Variants in CEP295 observed in about 807,000 individuals in gnomAD.
The protein encoded by CEP295 is centrosomal protein 295.
Under a neutral mutation model 291.6 loss-of-function variants are expected in CEP295, and 190 were observed. That is an observed-to-expected ratio of 0.65 (90% CI 0.58 to 0.73). CEP295 has a LOEUF of 0.73. Among genes scored for constraint, CEP295 ranks in the 30% least tolerant of loss-of-function variants. The probability of loss-of-function intolerance (pLI) is 0.00; values close to 1 mark genes in which losing one functional copy is unlikely to be tolerated. For synonymous variants in CEP295, 993 were observed against 1,038.8 expected (o/e 0.96, Z 0.85); for missense variants, 2,863 against 2,949.4 (o/e 0.97, Z 0.68).
Position 93,727,359 on chromosome 11 carries a change from A to T in CEP295, c.6883A>T (p.Ser2295Cys), listed in dbSNP as rs1212129721. The T allele has an allele frequency of 1.9e-6, 3 of 1,551,154 alleles. No individual in the cohort carries two copies. The highest frequency in any genetic ancestry group is 2.6e-6 in the Non-Finnish European group (3 of 1,146,908). ...SKRGVVTMLQ[S>C]QGLIEDNKNE... ...AAGAGGGGTTGTTACAATGTTACAA[A>T]GTCAAGGACTCATTGAAGATAATAA... The change falls in exon 24 of 30, where the codon AGT becomes TGT. Residue 2295 changes from serine to cysteine, a missense_variant. Physicochemically the swap from Ser to Cys is moderately radical, Grantham distance 112. This residue lies in a region of CEP295 where 2,295 missense variants were observed against 2,335.7 expected (regional missense o/e 0.98). Coordinates refer to ENST00000325212, the MANE Select transcript of CEP295 (RefSeq NM_033395.2).
intron 14 of CEP295, 76 bp downstream of exon 14, chr11:93,696,493 G>T: frequency 9.0e-7 from 1 of 1,108,880 alleles, no homozygotes. Context: ...TTTATATGAG[G>T]ATCTAATTTG....
intron 15 of CEP295, 41 bp from the exon 16 acceptor site, chr11:93,702,419 C>T: frequency 7.3e-7 from 1 of 1,367,226 alleles, no homozygotes; most frequent in Non-Finnish European, 9.8e-7. Context: ...TCACATGATC[C>T]CCCAACTTGT....
At chr11:93,693,149 C>T (rs4753100) in intron 12 of CEP295, among the ~76,000 whole-genome samples, 138,869 of 151,164 alleles carry the variant, frequency 0.92, 64,604 homozygotes, top group East Asian at 1. Flanking sequence ...TGGTGGCGGG[C>T]GCCTGTAGTC....
intron 18 of CEP295, among the ~76,000 whole-genome samples, chr11:93,710,498 C>T (rs1164766778): frequency 6.6e-6 from 1 of 152,130 alleles, no homozygotes; most frequent in Non-Finnish European, 1.5e-5. Flanking sequence ...AATGAATGAT[C>T]TTTTTAATGT....
chr11:93,663,807 T>G (rs1447687803), intron 1 of CEP295, among the ~76,000 whole-genome samples: 1 of 152,234 alleles, frequency 6.6e-6, no homozygotes, highest in African/African-American at 2.4e-5. Flanking sequence ...AATGGATACC[T>G]AAAATTTGAA....
At chr11:93,717,584 G>A (rs1953362092) in intron 18 of CEP295, among the ~76,000 whole-genome samples, 1 of 152,214 alleles carries the variant, frequency 6.6e-6, no homozygotes, top group African/African-American at 2.4e-5. Flanking sequence ...TATCTAGGAG[G>A]TGGTAAGAAT....
chr11:93,716,994 AT>A lies in CEP295; in HGVS notation c.5750-4315del, dbSNP rs376168874. ...AACTTATACCATAAAACAAAGGAAA[AT>A]TTGTTTTTCTTCTCCCTATGTTGAA... On this transcript the variant is annotated intron_variant, in intron 18 of 29. Coordinates refer to ENST00000325212, the MANE Select transcript of CEP295 (RefSeq NM_033395.2). Among the ~76,000 whole-genome samples the A allele has an allele frequency of 5.0e-3, 754 of 152,280 alleles. 10 individuals are homozygous for A. Among genetic ancestry groups the A allele is most frequent in the African/African-American group, 0.017 (694 of 41,536 alleles).
intron 3 of CEP295, among the ~76,000 whole-genome samples, 166 bp from the exon 4 acceptor site, chr11:93,668,642 C>G (rs1004483626): frequency 6.6e-6 from 1 of 151,976 alleles, no homozygotes; most frequent in Non-Finnish European, 1.5e-5. Flanking sequence ...TGTTTGTCCC[C>G]CCTAATATGG....
Position 93,697,276 on chromosome 11 carries a change from A to G in CEP295, c.2364A>G (p.Pro788=), listed in dbSNP as rs1565179977. 13 of 1,551,764 alleles carry G rather than the reference A, an allele frequency of 8.4e-6. No individual in the cohort carries two copies. The highest frequency in any genetic ancestry group is 1.1e-5 in the Non-Finnish European group (13 of 1,147,014). The change falls in exon 15 of 30, where the codon CCA becomes CCG. Residue 788 remains proline (P), a synonymous_variant. Transcript: ENST00000325212. Reference sequence around the variant, plus strand: ...TAACTGAACCTTCTTCATTTGTACCACTGGTACCTCAGCATTCTTTTAGTT... The same window carrying G: ...TAACTGAACCTTCTTCATTTGTACCGCTGGTACCTCAGCATTCTTTTAGTT... ...YHLTEPSSFV[P]LVPQHSFSSL...
Position 93,675,630 on chromosome 11 carries a change from T to C in CEP295, c.588T>C (p.Leu196=), listed in dbSNP as rs1950650436. 1 of 1,510,972 alleles carries C rather than the reference T, an allele frequency of 6.6e-7. No individual in the cohort carries two copies. Among genetic ancestry groups the C allele is most frequent in the African/African-American group, 1.4e-5 (1 of 70,782 alleles). 93.6% of individuals were successfully genotyped at this position (1,510,972 alleles called of 1,614,324 possible). The stretch of plus-strand genomic sequence containing the variant: ...CCAATAGTTCTACCTACCATCATCT[T>C]CACACTTTTGTGAATAGAGAGACAG... ...VKTNSSTYHH[L]HTFVNRETDT... Residue 196 remains leucine, a synonymous_variant, in exon 6 of 30, where the codon CTT becomes CTC. Transcript: ENST00000325212.
chr11:93,729,461 G>A lies in CEP295; in HGVS notation c.7330G>A (p.Ala2444Thr). ...QVSEFLPLVSATEASDYPAVS... is the reference protein window; with the variant it reads ...QVSEFLPLVSTTEASDYPAVS... Reference sequence around the variant, plus strand: ...GAGTGAGTTTCTGCCTCTTGTATCAGCAACAGAAGCCTCAGATTATCCAGC... The same window carrying A: ...GAGTGAGTTTCTGCCTCTTGTATCAACAACAGAAGCCTCAGATTATCCAGC... Residue 2444 changes from alanine (A) to threonine (T), a missense_variant, in exon 26 of 30, where the codon GCA (alanine) becomes ACA (threonine). Transcript: ENST00000325212. 2 of 1,551,734 alleles carry A rather than the reference G, an allele frequency of 1.3e-6. 1 individual carries two copies. The highest frequency in any genetic ancestry group is 2.4e-5 in the South Asian group (2 of 84,056).
chr11:93,690,371 A>G (rs547214992), intron 10 of CEP295, among the ~76,000 whole-genome samples: 34 of 152,302 alleles, frequency 2.2e-4, no homozygotes, highest in African/African-American at 8.2e-4. Context: ...CCTGGCTAAC[A>G]TGGTGAAACC....
chr11:93,679,318 T>C (rs1950850141), intron 6 of CEP295, 94 bp from the exon 7 acceptor site: 1 of 1,003,894 alleles, frequency 1.0e-6, no homozygotes, highest in African/African-American at 1.6e-5. Flanking sequence ...ATTTTATATA[T>C]GTAGAAAACA....
intron 2 of CEP295, 41 bp downstream of exon 2, chr11:93,666,856 C>T: frequency 1.9e-6 from 2 of 1,075,466 alleles, no homozygotes; most frequent in Non-Finnish European, 2.7e-6. Context: ...TCCTTTCTTC[C>T]TCAAATTACT....
intron 24 of CEP295, chr11:93,728,249 C>CT (rs1937645474): frequency 6.4e-6 from 1 of 155,698 alleles, no homozygotes; most frequent in Non-Finnish European, 1.4e-5. Context: ...TATGTGGCTG[C>CT]TTTTGTTCTT....
chr11:93,709,143 A>G (rs149806552), intron 18 of CEP295, among the ~76,000 whole-genome samples: 2,233 of 152,160 alleles, frequency 0.015, 25 homozygotes, highest in Non-Finnish European at 0.024. Context: ...AAAGCTTTTT[A>G]ATTTGATGTG....
At position 93,702,655 on chromosome 11, in the gene CEP295, G is replaced by C. The variant is rs775837772; in HGVS notation, c.5452+18G>C. 6.5e-7 allele frequency: 1 copy of C among 1,534,398 alleles called. No individual in the cohort carries two copies. The highest frequency in any genetic ancestry group is 8.8e-7 in the Non-Finnish European group (1 of 1,138,532). ...GCAAAGTGGTAAGATAATTGTGTTT[G>C]ATTGTAATTATTTCACTGATTATTC... On this transcript the variant is annotated intron_variant, in intron 16 of 29. Coordinates refer to ENST00000325212, the MANE Select transcript of CEP295 (RefSeq NM_033395.2).
At chr11:93,681,259 C>G (rs1159089702) in intron 7 of CEP295, among the ~76,000 whole-genome samples, 1 of 148,290 alleles carries the variant, frequency 6.7e-6, no homozygotes, top group Non-Finnish European at 1.5e-5. Context: ...TTTTTTGAGA[C>G]GGAGTCTCAC....
intron 18 of CEP295, among the ~76,000 whole-genome samples, chr11:93,713,543 T>G (rs1355981264): frequency 6.6e-6 from 1 of 152,206 alleles, no homozygotes; most frequent in Non-Finnish European, 1.5e-5. Context: ...GTATTGGAGC[T>G]CCATTGTATA....
Sources: gnomAD v4.1 joint callset for allele counts (sites outside exome capture counted in the v4.1 genomes callset) on GRCh38, gnomAD v4.1.1 for gene constraint, gnomAD v4.1.1 regional missense constraint, MANE v1.5 for transcripts, NCBI Gene and HGNC (gene_info 2026-07-23, HGNC 2026-07-21) for gene names.